GRM5: variants seen among roughly 807,000 people sequenced by gnomAD.
The protein encoded by GRM5 is glutamate metabotropic receptor 5.
Under a neutral mutation model 83.1 loss-of-function variants are expected in GRM5, and 19 were observed. That is an observed-to-expected ratio of 0.23 (90% CI 0.16 to 0.34). The LOEUF (loss-of-function observed/expected upper bound fraction) is 0.34, where lower values mean the gene tolerates loss of function less well. Ranked by LOEUF, GRM5 falls within the 10% of genes least tolerant of loss-of-function variation. The pLI is 1.00. For synonymous variants in GRM5, 675 were observed against 633.6 expected, an observed-to-expected ratio of 1.07 and a Z score of -0.98; for missense variants, 1,160 against 1,588.3, an observed-to-expected ratio of 0.73 and a Z score of 4.58.
chr11:89,009,724 G>A (rs1346666066), intron 2 of GRM5, among the ~76,000 whole-genome samples: 1 of 150,096 alleles, frequency 6.7e-6, no homozygotes. Context: ...GTGAAACCCC[G>A]TCTCTACTAA....
intron 2 of GRM5, among the ~76,000 whole-genome samples, chr11:89,002,508 G>T (rs988088669): frequency 6.6e-6 from 1 of 152,094 alleles, no homozygotes; most frequent in African/African-American, 2.4e-5. Context: ...AATGAATCCT[G>T]ATAGGTTATC....
intron 6 of GRM5, among the ~76,000 whole-genome samples, chr11:88,596,961 C>T (rs537606102): frequency 2.6e-5 from 4 of 152,090 alleles, no homozygotes; most frequent in South Asian, 2.1e-4. Context: ...TGAGCAGAAA[C>T]GGTGTGGGCA....
intron 2 of GRM5, among the ~76,000 whole-genome samples, chr11:89,029,698 G>T (rs1161138054): frequency 2.6e-5 from 4 of 152,106 alleles, no homozygotes; most frequent in Non-Finnish European, 5.9e-5. Context: ...AGTCATTGTG[G>T]TTGTGCATGA....
At chr11:88,947,192 C>A (rs1938308418) in intron 2 of GRM5, among the ~76,000 whole-genome samples, 2 of 152,134 alleles carry the variant, frequency 1.3e-5, no homozygotes, top group Non-Finnish European at 2.9e-5. Context: ...TTAGGCCTCA[C>A]ATGACTTAAA....
chr11:88,970,258 T>C (rs1939126233), intron 2 of GRM5, among the ~76,000 whole-genome samples: 1 of 152,160 alleles, frequency 6.6e-6, no homozygotes, highest in Non-Finnish European at 1.5e-5. Flanking sequence ...ACCTACCTAA[T>C]AGTTCAACGT....
chr11:88,648,481 T>C (rs1213337553), intron 4 of GRM5, among the ~76,000 whole-genome samples: 5 of 113,338 alleles, frequency 4.4e-5, no homozygotes, highest in African/African-American at 1.7e-4. Context: ...GGAAGGGGAA[T>C]ATCACACTCT....
At position 88,605,714 on chromosome 11, in the gene GRM5, A is replaced by C. The variant is rs369149950; in HGVS notation, c.1148-750T>G. On this transcript the variant is annotated intron_variant, in intron 4 of 9. Transcript: ENST00000305447. ...AATCTGTAAAACATGTGGAGGTAAA[A>C]TCTATAGAGGCCCAAAGGAGTGAGA... Among the ~76,000 whole-genome samples the C allele has an allele frequency of 1.2e-4, 18 of 152,350 alleles. No homozygotes were observed. The South Asian group carries it at 3.7e-3, about 32-fold the overall frequency.
At chr11:88,818,274 T>C (rs1943725523) in intron 3 of GRM5, among the ~76,000 whole-genome samples, 1 of 152,128 alleles carries the variant, frequency 6.6e-6, no homozygotes, top group Admixed American at 6.5e-5. Context: ...TTGCTGGCTT[T>C]ATTCAGCAAT....
chr11:88,632,987 A>G (rs1939018742), intron 4 of GRM5, among the ~76,000 whole-genome samples: 1 of 152,190 alleles, frequency 6.6e-6, no homozygotes, highest in Non-Finnish European at 1.5e-5. Context: ...ATCTTCTTTG[A>G]TGAAATGAGT....
chr11:88,975,503 G>A (rs1245966969), intron 2 of GRM5, among the ~76,000 whole-genome samples: 1 of 152,144 alleles, frequency 6.6e-6, no homozygotes, highest in African/African-American at 2.4e-5. Context: ...ACATCATGCT[G>A]ATGCCTCCCA....
At chr11:88,977,586 T>A (rs916101198) in intron 2 of GRM5, among the ~76,000 whole-genome samples, 12 of 152,256 alleles carry the variant, frequency 7.9e-5, no homozygotes, top group Admixed American at 7.2e-4. Context: ...ATCTACTTGC[T>A]ATCAGCTATG....
chr11:88,968,353 A>G (rs1434730386), intron 2 of GRM5, among the ~76,000 whole-genome samples: 1 of 152,094 alleles, frequency 6.6e-6, no homozygotes, highest in East Asian at 1.9e-4. Flanking sequence ...CAGAAAGTAG[A>G]ATAGTGGTTT....
intron 3 of GRM5, among the ~76,000 whole-genome samples, chr11:88,773,251 T>C (rs972764994): frequency 1.3e-5 from 2 of 152,250 alleles, no homozygotes; most frequent in African/African-American, 4.8e-5. Flanking sequence ...ATGTCTTCTT[T>C]TGAGAAGTGT....
intron 2 of GRM5, among the ~76,000 whole-genome samples, chr11:88,936,372 T>C (rs1937895424): frequency 1.3e-5 from 2 of 151,814 alleles, no homozygotes; most frequent in Admixed American, 1.3e-4. Flanking sequence ...ACTTAACAAA[T>C]AAAAACATTT....
intron 3 of GRM5, among the ~76,000 whole-genome samples, chr11:88,831,616 A>G (rs989926613): frequency 6.6e-6 from 1 of 152,134 alleles, no homozygotes; most frequent in Admixed American, 6.5e-5. Flanking sequence ...GAGTTTGGCA[A>G]TCGCTCTGCC....
intron 9 of GRM5, among the ~76,000 whole-genome samples, chr11:88,521,384 T>C (rs1941684732): frequency 6.6e-6 from 1 of 152,068 alleles, no homozygotes; most frequent in South Asian, 2.1e-4. Context: ...ACCATTGCAC[T>C]CCAGCCTGGG....
At chr11:88,966,691 A>G (rs755829842) in intron 2 of GRM5, among the ~76,000 whole-genome samples, 13 of 152,174 alleles carry the variant, frequency 8.5e-5, no homozygotes, top group Admixed American at 2.0e-4. Flanking sequence ...AATAAAGGTG[A>G]GTACTCATAA....
chr11:88,617,802 A>G (rs766791898), intron 4 of GRM5, among the ~76,000 whole-genome samples: 45 of 152,296 alleles, frequency 3.0e-4, no homozygotes, highest in Non-Finnish European at 4.9e-4. Flanking sequence ...GGGTGATCTC[A>G]GGGACAGAAA....
intron 3 of GRM5, among the ~76,000 whole-genome samples, chr11:88,677,482 G>A (rs1216837659): frequency 3.9e-5 from 6 of 152,158 alleles, no homozygotes; most frequent in Admixed American, 1.3e-4. Flanking sequence ...AATAGCATAT[G>A]AGGTTGTAAG....
Sources: allele counts gnomAD v4.1 joint callset (sites outside exome capture counted in the v4.1 genomes callset), GRCh38; gene constraint gnomAD v4.1.1; transcripts MANE v1.5; gene names NCBI Gene and HGNC (gene_info 2026-07-23, HGNC 2026-07-21).